SLC1A1: variants seen among roughly 807,000 people sequenced by gnomAD.
SLC1A1 encodes the protein solute carrier family 1 member 1.
Under a neutral mutation model 53.3 loss-of-function variants are expected in SLC1A1, and 43 were observed. The observed-to-expected ratio is 0.81, with a 90% confidence interval of 0.63 to 1.04. The LOEUF (loss-of-function observed/expected upper bound fraction) is 1.04, where lower values mean the gene tolerates loss of function less well. SLC1A1 is among the 50% of genes least tolerant of loss of function. The pLI is 0.00. For missense variants in SLC1A1, 748 were observed against 664.9 expected (o/e 1.12, Z -1.37); for synonymous variants, 307 against 243.2 (o/e 1.26, Z -2.44).
chr9:4,571,777 G>C (rs573477927), intron 6 of SLC1A1, among the ~76,000 whole-genome samples: 1 of 152,140 alleles, frequency 6.6e-6, no homozygotes, highest in African/African-American at 2.4e-5. Flanking sequence ...TAAAACAGAA[G>C]GTAAAATGTC....
At chr9:4,564,487 A>C (rs1819294955) in intron 4 of SLC1A1, 29 bp downstream of exon 4, 4 of 1,360,538 alleles carry the variant, frequency 2.9e-6, no homozygotes, top group Non-Finnish European at 4.2e-6. Context: ...GGTGGCTTCA[A>C]GGGCATGCGG....
chr9:4,585,514 G>C lies in SLC1A1; in HGVS notation c.1531G>C (p.Asp511His). 1.2e-6 allele frequency: 2 copies of C among 1,614,222 alleles called. No homozygotes were observed. Among genetic ancestry groups the C allele is most frequent in the Non-Finnish European group, 1.7e-6 (2 of 1,180,040 alleles). The change falls in exon 12 of 12, where the codon GAC (aspartate) becomes CAC (histidine). Residue 511 changes from aspartate to histidine, a missense_variant. Physicochemically the swap from Asp to His is moderately conservative, Grantham distance 81. Coordinates refer to ENST00000262352, the MANE Select transcript of SLC1A1 (RefSeq NM_004170.6). ...KSYVNGGFAV[D>H]KSDTISFTQT... ...TTATGTCAATGGAGGCTTTGCAGTA[G>C]ACAAGTCTGACACCATCTCATTCAC...
chr9:4,575,981 T>A lies in SLC1A1; in HGVS notation c.876-20T>A. 6.2e-7 allele frequency: 1 copy of A among 1,613,300 alleles called. No individual in the cohort carries two copies. On this transcript the variant is annotated intron_variant, in intron 8 of 11. Coordinates refer to ENST00000262352, the MANE Select transcript of SLC1A1 (RefSeq NM_004170.6). ...GGTGGTATTATCTTTGAAACTTTAA[T>A]TTCTCTTTCTTGTTTACAGGCTTGC... is the stretch of plus-strand genomic sequence containing the variant.
intron 1 of SLC1A1, among the ~76,000 whole-genome samples, chr9:4,510,753 T>C (rs1422253936): frequency 2.0e-5 from 3 of 152,234 alleles, no homozygotes; most frequent in Non-Finnish European, 4.4e-5. Flanking sequence ...AGCCTTAGGC[T>C]AACTCAGCCC....
intron 1 of SLC1A1, among the ~76,000 whole-genome samples, chr9:4,514,267 G>T (rs1312870801): frequency 6.6e-6 from 1 of 152,206 alleles, no homozygotes; most frequent in African/African-American, 2.4e-5. Flanking sequence ...GAGAGGGTCT[G>T]TGTTTACTGG....
At chr9:4,548,836 G>T (rs560562193) in intron 2 of SLC1A1, among the ~76,000 whole-genome samples, 4 of 152,182 alleles carry the variant, frequency 2.6e-5, no homozygotes, top group Admixed American at 6.5e-5. Flanking sequence ...GACATTTTCA[G>T]AGACAATCAT....
chr9:4,568,022 T>C (rs898104631), intron 6 of SLC1A1, among the ~76,000 whole-genome samples: 1 of 152,204 alleles, frequency 6.6e-6, no homozygotes, highest in African/African-American at 2.4e-5. Flanking sequence ...TGTGCTCTGC[T>C]TTCTTGCTTT....
At chr9:4,560,616 T>A (rs1361984165) in intron 2 of SLC1A1, among the ~76,000 whole-genome samples, 2 of 152,086 alleles carry the variant, frequency 1.3e-5, no homozygotes, top group Non-Finnish European at 2.9e-5. Context: ...ATAAACATTA[T>A]TTTTTCCAGT....
chr9:4,557,480 C>T (rs373848506), intron 2 of SLC1A1, among the ~76,000 whole-genome samples: 3 of 152,148 alleles, frequency 2.0e-5, no homozygotes, highest in African/African-American at 7.2e-5. Context: ...CGTGTGGCTA[C>T]TTAAATTGAG....
intron 1 of SLC1A1, among the ~76,000 whole-genome samples, chr9:4,511,600 C>CACACA (rs55687734): frequency 2.6e-5 from 3 of 114,990 alleles, no homozygotes; most frequent in South Asian, 3.0e-4. Context: ...CACACACACA[C>CACACA]TACACTACAC....
intron 1 of SLC1A1, among the ~76,000 whole-genome samples, chr9:4,538,021 A>C (rs888771553): frequency 6.6e-6 from 1 of 152,200 alleles, no homozygotes; most frequent in African/African-American, 2.4e-5. Context: ...TTTTTAAATT[A>C]TAAGAGATAA....
intron 6 of SLC1A1, among the ~76,000 whole-genome samples, chr9:4,569,806 G>A (rs1011238855): frequency 3.3e-5 from 5 of 152,074 alleles, no homozygotes; most frequent in African/African-American, 1.2e-4. Context: ...CCTTATTCCT[G>A]CCTTTTGATG....
At chr9:4,525,463 C>T (rs1297594147) in intron 1 of SLC1A1, among the ~76,000 whole-genome samples, 1 of 151,984 alleles carries the variant, frequency 6.6e-6, no homozygotes, top group Non-Finnish European at 1.5e-5. Flanking sequence ...AAAGCCAACC[C>T]CCTCCTCAAA....
chr9:4,564,088 C>A (rs1483694301), intron 3 of SLC1A1, among the ~76,000 whole-genome samples: 1 of 126,696 alleles, frequency 7.9e-6, no homozygotes, highest in African/African-American at 2.8e-5. Flanking sequence ...TCATTTAAAA[C>A]ACACATACAC....
At chr9:4,568,386 TC>T (rs1819688150) in intron 6 of SLC1A1, among the ~76,000 whole-genome samples, 1 of 150,470 alleles carries the variant, frequency 6.6e-6, no homozygotes, top group African/African-American at 2.5e-5. Flanking sequence ...TCATTGCACT[TC>T]AGCCTGGGTA....
chr9:4,539,284 GGA>G (rs1299764947), intron 1 of SLC1A1, among the ~76,000 whole-genome samples: 1 of 152,030 alleles, frequency 6.6e-6, no homozygotes, highest in African/African-American at 2.4e-5. Flanking sequence ...AACGAGAGAG[GGA>G]GAGATAGACT....
At chr9:4,568,131 G>C (rs775177854) in intron 6 of SLC1A1, among the ~76,000 whole-genome samples, 62 of 152,168 alleles carry the variant, frequency 4.1e-4, no homozygotes, top group Middle Eastern at 3.4e-3. Flanking sequence ...TGTTTGAAAT[G>C]GACCAAGGTG....
rs373604899 is a variant in SLC1A1, at chr9:4,583,853, T to TTCTCTCTCTCTC, written c.1328+700_1328+711dup. ...CCATTCAGGCCCCAATCAACAACACTTCTCTCTCTCTCTCTCTCTCTCTCT... is the reference window on the plus strand; with the variant it reads ...CCATTCAGGCCCCAATCAACAACACTTCTCTCTCTCTCTCTCTCTCTCTCTCTCTCTCTCTCT... On this transcript the variant is annotated intron_variant, in intron 11 of 11. Coordinates refer to ENST00000262352, the MANE Select transcript of SLC1A1 (RefSeq NM_004170.6). The surrounding 1 kb of genome is among the most constrained non-coding windows in gnomAD (Gnocchi z 4.6). Among the ~76,000 whole-genome samples the TTCTCTCTCTCTC allele has an allele frequency of 0.038, 5,243 of 136,836 alleles. 101 individuals carry two copies. Among genetic ancestry groups the TTCTCTCTCTCTC allele is most frequent in the Middle Eastern group, 0.076 (20 of 264 alleles). 89.8% of individuals were successfully genotyped at this position (136,836 alleles called of 152,430 possible).
intron 6 of SLC1A1, among the ~76,000 whole-genome samples, chr9:4,570,804 G>A (rs1011461100): frequency 6.6e-6 from 1 of 151,980 alleles, no homozygotes; most frequent in African/African-American, 2.4e-5. Flanking sequence ...AGCTACTTGG[G>A]AGGCTGAGGT....
Sources: allele counts gnomAD v4.1 joint callset (sites outside exome capture counted in the v4.1 genomes callset), GRCh38; gene constraint gnomAD v4.1.1; non-coding constraint Gnocchi (gnomAD v3.1); transcripts MANE v1.5; gene names NCBI Gene and HGNC (gene_info 2026-07-23, HGNC 2026-07-21).